The following RAB3GAP2 variants were observed in gnomAD, a reference collection of about 807,000 sequenced individuals.
The protein encoded by RAB3GAP2 is rab3 GTPase-activating protein non-catalytic subunit.
Under a neutral mutation model 185.3 loss-of-function variants are expected in RAB3GAP2, and 87 were observed. That is an observed-to-expected ratio of 0.47 (90% CI 0.39 to 0.56). The LOEUF is 0.56. RAB3GAP2 is among the 20% of genes least tolerant of loss of function. The pLI is 0.00. For missense variants in RAB3GAP2, 1,492 were observed against 1,638.2 expected (o/e 0.91, Z 1.54); for synonymous variants, 554 against 576.1 (o/e 0.96, Z 0.55).
intron 24 of RAB3GAP2, among the ~76,000 whole-genome samples, chr1:220,168,082 T>G (rs1456379867): frequency 6.6e-6 from 1 of 151,948 alleles, no homozygotes; most frequent in East Asian, 1.9e-4. Flanking sequence ...AAGGCCAATA[T>G]AATATTACTT....
intron 2 of RAB3GAP2, among the ~76,000 whole-genome samples, chr1:220,221,362 A>T (rs987089859): frequency 2.0e-5 from 3 of 152,214 alleles, no homozygotes; most frequent in African/African-American, 7.2e-5. Flanking sequence ...AAGTATTAAA[A>T]GCAACCAAAT....
At chr1:220,205,848 G>A (rs1658953312) in intron 8 of RAB3GAP2, 59 bp downstream of exon 8, 1 of 1,220,922 alleles carries the variant, frequency 8.2e-7, no homozygotes, top group Non-Finnish European at 1.2e-6. Context: ...TCCATAAGCA[G>A]GTGAAATTAA....
chr1:220,252,447 G>A (rs894435301), intron 1 of RAB3GAP2, among the ~76,000 whole-genome samples: 1 of 152,156 alleles, frequency 6.6e-6, no homozygotes, highest in African/African-American at 2.4e-5. Context: ...CTTATGGAGA[G>A]AAATGAAAAG....
chr1:220,253,466 G>A, intron 1 of RAB3GAP2: 2 of 1,497,720 alleles, frequency 1.3e-6, no homozygotes, highest in Non-Finnish European at 1.8e-6. Flanking sequence ...ATGTAGAGCT[G>A]GCAGTGCCTG....
chr1:220,175,236 T>C (rs1183606761), intron 21 of RAB3GAP2, among the ~76,000 whole-genome samples: 1 of 151,264 alleles, frequency 6.6e-6, no homozygotes, highest in African/African-American at 2.4e-5. Flanking sequence ...TTTCTTTTCT[T>C]TTTTTTTTGA....
At chr1:220,236,840 G>T (rs1418575462) in intron 1 of RAB3GAP2, among the ~76,000 whole-genome samples, 1 of 152,026 alleles carries the variant, frequency 6.6e-6, no homozygotes, top group Non-Finnish European at 1.5e-5. Context: ...TTGATCATTG[G>T]TCAAGAATGT....
intron 12 of RAB3GAP2, among the ~76,000 whole-genome samples, 164 bp downstream of exon 12, chr1:220,194,914 C>G (rs757595044): frequency 6.6e-6 from 1 of 152,176 alleles, no homozygotes; most frequent in Non-Finnish European, 1.5e-5. Flanking sequence ...AAGAATCACT[C>G]TTCACATGGA....
Position 220,153,538 on chromosome 1 carries a change from A to G in RAB3GAP2, c.3646-132T>C, listed in dbSNP as rs1390867391. Reference sequence around the variant, plus strand: ...TAAATTGTTTAGTTATCAAAAAAGGAACACATCATTTAAACAACTAGCTCT... The same window carrying G: ...TAAATTGTTTAGTTATCAAAAAAGGGACACATCATTTAAACAACTAGCTCT... On this transcript the variant is annotated intron_variant, in intron 32 of 34. Coordinates refer to ENST00000358951, the MANE Select transcript of RAB3GAP2 (RefSeq NM_012414.4). 3 of 788,188 alleles carry G rather than the reference A, an allele frequency of 3.8e-6. No homozygotes were observed. In the Admixed American group the frequency reaches 6.7e-5, roughly 18 times the overall value. The allele number at this position is 788,188 out of a possible 1,614,324, so 48.8% of individuals were successfully genotyped here.
intron 2 of RAB3GAP2, among the ~76,000 whole-genome samples, chr1:220,218,528 G>A (rs999450420): frequency 6.6e-6 from 1 of 152,040 alleles, no homozygotes. Context: ...TCATAGATGG[G>A]AATTGAACAA....
intron 21 of RAB3GAP2, among the ~76,000 whole-genome samples, chr1:220,173,171 C>T (rs887385350): frequency 4.6e-5 from 7 of 152,144 alleles, no homozygotes; most frequent in South Asian, 2.1e-4. Context: ...GTATTGCAGA[C>T]GTGGCAGTGA....
chr1:220,226,485 C>T (rs1659404692), intron 2 of RAB3GAP2, among the ~76,000 whole-genome samples: 1 of 151,534 alleles, frequency 6.6e-6, no homozygotes, highest in Admixed American at 6.6e-5. Context: ...GATCATCAGT[C>T]AGCAGATGGC....
intron 2 of RAB3GAP2, among the ~76,000 whole-genome samples, chr1:220,217,575 T>A (rs1162471817): frequency 1.3e-5 from 2 of 152,112 alleles, no homozygotes; most frequent in African/African-American, 4.8e-5. Flanking sequence ...CCACACTAGA[T>A]GAGACGCCCT....
chr1:220,225,265 A>T (rs1167076032), intron 2 of RAB3GAP2, among the ~76,000 whole-genome samples: 1 of 152,204 alleles, frequency 6.6e-6, no homozygotes, highest in East Asian at 1.9e-4. Context: ...CACTTTTCAC[A>T]ACAGCAAATC....
intron 1 of RAB3GAP2, among the ~76,000 whole-genome samples, chr1:220,252,611 G>A (rs1046870281): frequency 5.9e-5 from 9 of 152,352 alleles, no homozygotes; most frequent in Admixed American, 1.3e-4. Flanking sequence ...CAAAGAAACC[G>A]TCACCTCCCG....
chr1:220,183,675 A>G (rs1187987950), intron 19 of RAB3GAP2, among the ~76,000 whole-genome samples: 2 of 152,240 alleles, frequency 1.3e-5, no homozygotes, highest in Non-Finnish European at 2.9e-5. Flanking sequence ...TTAATTATAA[A>G]GCAGCGTAAA....
chr1:220,264,495 G>A (rs1660196233), intron 1 of RAB3GAP2, among the ~76,000 whole-genome samples: 1 of 151,908 alleles, frequency 6.6e-6, no homozygotes, highest in African/African-American at 2.4e-5. Context: ...CACTTTCACA[G>A]GTACATGTGG....
At chr1:220,198,283 T>G (rs1365138707) in intron 9 of RAB3GAP2, among the ~76,000 whole-genome samples, 1 of 152,206 alleles carries the variant, frequency 6.6e-6, no homozygotes, top group Non-Finnish European at 1.5e-5. Context: ...CCTCTGGGTT[T>G]CAAAGTAAGA....
chr1:220,242,998 G>T (rs1032707806), intron 1 of RAB3GAP2, among the ~76,000 whole-genome samples: 8 of 151,958 alleles, frequency 5.3e-5, no homozygotes, highest in African/African-American at 1.9e-4. Flanking sequence ...ATTCATTTTC[G>T]TTTTTCAGGA....
At position 220,262,485 on chromosome 1, in the gene RAB3GAP2, C is replaced by G. The variant is rs540837631; in HGVS notation, c.115+9738G>C. On this transcript the variant is annotated intron_variant, in intron 1 of 34. Coordinates refer to ENST00000358951, the MANE Select transcript of RAB3GAP2 (RefSeq NM_012414.4). ...TTAAACAATTCCCGTTCTCCCTTTC[C>G]TCAGCCTCTGGTAACCGCCATTCTA... 9.1e-4 allele frequency among the ~76,000 whole-genome samples: 139 copies of G among 152,270 alleles called. 1 individual carries two copies. The Middle Eastern group carries it at 0.01, about 11-fold the overall frequency.
Sources: gnomAD v4.1 joint callset for allele counts (sites outside exome capture counted in the v4.1 genomes callset) on GRCh38, gnomAD v4.1.1 for gene constraint, MANE v1.5 for transcripts, NCBI Gene and HGNC (gene_info 2026-07-23, HGNC 2026-07-21) for gene names.